Variants in GFOD1 observed in about 807,000 individuals in gnomAD.
GFOD1 encodes the protein Gfo/Idh/MocA-like oxidoreductase domain containing 1.
GFOD1 carries 9 observed loss-of-function variants against 25.4 expected under a neutral mutation model. The ratio of observed to expected loss-of-function variants is 0.35; its 90% CI spans 0.21 to 0.62. The LOEUF is 0.62. Among genes scored for constraint, GFOD1 ranks in the 20% least tolerant of loss-of-function variants. GFOD1 has a pLI of 0.72. For synonymous variants in GFOD1, 253 were observed against 245.6 expected, an observed-to-expected ratio of 1.03 and a Z score of -0.28; for missense variants, 403 against 556.9, an observed-to-expected ratio of 0.72 and a Z score of 2.78.
In GFOD1 at chr6:13,362,461, C is replaced by CAA. The variant is rs770325894; in HGVS notation, c.*2280_*2281dup. The CAA allele has an allele frequency of 3.2e-4, 26 of 80,886 alleles. No individual in the cohort carries two copies. The highest frequency in any genetic ancestry group is 5.8e-4 in the Non-Finnish European group (20 of 34,324). The allele number at this position is 80,886 out of a possible 1,614,324, so 5.0% of individuals were successfully genotyped here. Reference sequence around the variant, plus strand: ...TGGGTGACAGAGCGAGACTCCATTTCAAAAAAAAAAAAAAAAAAAGAAGAA... The same window carrying CAA: ...TGGGTGACAGAGCGAGACTCCATTTCAAAAAAAAAAAAAAAAAAAAAGAAGAA... On this transcript the variant is annotated 3_prime_UTR_variant, in exon 2 of 2. Transcript: ENST00000379287.
rs549782863 is a variant in GFOD1, at chr6:13,472,107, G to A, written c.253+14531C>T. 42 of 156,564 alleles carry A rather than the reference G, an allele frequency of 2.7e-4. 1 individual carries two copies. In the South Asian group the frequency reaches 6.4e-3, roughly 24 times the overall value. The allele number at this position is 156,564 out of a possible 1,614,324, so 9.7% of individuals were successfully genotyped here. A position where few individuals can be genotyped will look rare whatever the true frequency, so the allele number is the denominator to read the frequency against. The stretch of plus-strand genomic sequence containing the variant: ...ACCCCTGATAAACCCATCAGATCTC[G>A]TGAGACTTATTCACTATCACCAGAA... On this transcript the variant is annotated intron_variant, in intron 1 of 1. Coordinates refer to ENST00000379287, the MANE Select transcript of GFOD1 (RefSeq NM_018988.4).
chr6:13,426,682 G>A (rs984592659), intron 1 of GFOD1, among the ~76,000 whole-genome samples: 4 of 152,298 alleles, frequency 2.6e-5, no homozygotes, highest in South Asian at 4.1e-4. Context: ...CTGAGGATGC[G>A]GAAGCAGAGT....
At chr6:13,458,248 G>T (rs1182410413) in intron 1 of GFOD1, among the ~76,000 whole-genome samples, 3 of 152,020 alleles carry the variant, frequency 2.0e-5, no homozygotes, top group Non-Finnish European at 4.4e-5. Flanking sequence ...CTCCCGAGTA[G>T]CTGGGATTAA....
rs975599267 is a variant in GFOD1 at position 13,363,767 on chromosome 6, C to T, written c.*976G>A. ...ATTCACACTGCAACACTGAGGCACA[C>T]AGCTCTCCCCAGTCTTTGGGGGCAG... On this transcript the variant is annotated 3_prime_UTR_variant, in exon 2 of 2. Coordinates refer to ENST00000379287, the MANE Select transcript of GFOD1 (RefSeq NM_018988.4). The T allele has an allele frequency of 6.6e-6, 1 of 152,204 alleles. No individual in the cohort carries two copies. Among genetic ancestry groups the T allele is most frequent in the Admixed American group, 6.5e-5 (1 of 15,280 alleles). The allele number at this position is 152,204 out of a possible 1,614,324, so 9.4% of individuals were successfully genotyped here. A position where few individuals can be genotyped will look rare whatever the true frequency, so the allele number is the denominator to read the frequency against.
intron 1 of GFOD1, among the ~76,000 whole-genome samples, chr6:13,389,097 T>C (rs1015093966): frequency 6.6e-5 from 10 of 152,282 alleles, no homozygotes; most frequent in East Asian, 3.9e-4. Context: ...TGGCGATCAT[T>C]AAAAAGTCAG....
At chr6:13,382,795 A>G (rs1785393272) in intron 1 of GFOD1, among the ~76,000 whole-genome samples, 1 of 152,066 alleles carries the variant, frequency 6.6e-6, no homozygotes, top group Non-Finnish European at 1.5e-5. Context: ...TGCATTAGCT[A>G]TTTTTCCTAA....
intron 1 of GFOD1, among the ~76,000 whole-genome samples, chr6:13,414,808 A>T (rs1323107131): frequency 1.3e-5 from 2 of 152,248 alleles, no homozygotes; most frequent in African/African-American, 4.8e-5. Flanking sequence ...TGTAGCTCAA[A>T]GTAATTTTCA....
Position 13,418,648 on chromosome 6 carries a change from C to G in GFOD1, c.254-52986G>C, listed in dbSNP as rs546241571. Among the ~76,000 whole-genome samples, 14 of 152,300 alleles carry G rather than the reference C, an allele frequency of 9.2e-5. No individual in the cohort carries two copies. The South Asian group carries it at 2.1e-3, about 23-fold the overall frequency. ...GTATTGGTGTCATCTGTCACCTCTG[C>G]TCCTCATTTCTTATTCATACTCTTA... On this transcript the variant is annotated intron_variant, in intron 1 of 1. Transcript: ENST00000379287.
chr6:13,426,456 C>A (rs1194713852), intron 1 of GFOD1, among the ~76,000 whole-genome samples: 3 of 152,210 alleles, frequency 2.0e-5, no homozygotes, highest in Non-Finnish European at 4.4e-5. Context: ...AGGAACCAGA[C>A]ACGAACCTAC....
chr6:13,483,670 G>A (rs185297359), intron 1 of GFOD1, among the ~76,000 whole-genome samples: 76 of 152,260 alleles, frequency 5.0e-4, no homozygotes, highest in Admixed American at 4.6e-3. Flanking sequence ...TTTGGGAACC[G>A]ATTCCAGGGC....
intron 1 of GFOD1, among the ~76,000 whole-genome samples, chr6:13,426,734 G>T (rs1786359610): frequency 6.6e-6 from 1 of 152,212 alleles, no homozygotes; most frequent in Non-Finnish European, 1.5e-5. Flanking sequence ...GAGGGATAAT[G>T]CAGGACCTTA....
intron 1 of GFOD1, among the ~76,000 whole-genome samples, chr6:13,421,925 G>A (rs1429100644): frequency 1.3e-5 from 2 of 152,294 alleles, no homozygotes; most frequent in South Asian, 2.1e-4. Flanking sequence ...CAACGGCTGC[G>A]TTTTATCTCC....
At chr6:13,391,511 CAAAAAAAA>C (rs57340590) in intron 1 of GFOD1, among the ~76,000 whole-genome samples, 2 of 108,666 alleles carry the variant, frequency 1.8e-5, no homozygotes, top group African/African-American at 3.5e-5. Context: ...AACAAACAAA[CAAAAAAAA>C]AAAAAAAAAA....
chr6:13,429,584 G>A (rs1169418823), intron 1 of GFOD1, among the ~76,000 whole-genome samples: 1 of 152,082 alleles, frequency 6.6e-6, no homozygotes, highest in Non-Finnish European at 1.5e-5. Flanking sequence ...GTCAGGTAGT[G>A]CCCTGAGCAC....
intron 1 of GFOD1, among the ~76,000 whole-genome samples, chr6:13,372,753 C>T (rs1201110065): frequency 1.3e-5 from 2 of 152,218 alleles, no homozygotes; most frequent in Non-Finnish European, 2.9e-5. Flanking sequence ...CAGCCTGGAA[C>T]CTCAAGCATC....
intron 1 of GFOD1, among the ~76,000 whole-genome samples, chr6:13,431,432 C>T (rs1472151156): frequency 6.6e-6 from 1 of 152,220 alleles, no homozygotes; most frequent in African/African-American, 2.4e-5. Flanking sequence ...CATGATGGTA[C>T]CACCTTGTCT....
At chr6:13,421,887 C>T (rs1206885064) in intron 1 of GFOD1, among the ~76,000 whole-genome samples, 5 of 152,210 alleles carry the variant, frequency 3.3e-5, no homozygotes, top group African/African-American at 1.2e-4. Flanking sequence ...GCAAATCAAA[C>T]AGGCACAACA....
chr6:13,486,999 G>T lies in GFOD1; in HGVS notation c.-109C>A. ...CCCCGCTCCTGTAGCCAATCTAGCC[G>T]CGGTGCGCCAGCCGCCGTGCACCGG... On this transcript the variant is annotated 5_prime_UTR_variant, in exon 1 of 2. Coordinates refer to ENST00000379287, the MANE Select transcript of GFOD1 (RefSeq NM_018988.4). 7.4e-7 allele frequency: 1 copy of T among 1,353,786 alleles called. No individual in the cohort carries two copies. The highest frequency in any genetic ancestry group is 1.4e-5 in the South Asian group (1 of 71,150). 83.9% of individuals were successfully genotyped at this position (1,353,786 alleles called of 1,614,324 possible).
At chr6:13,451,233 CT>C (rs1758091698) in intron 1 of GFOD1, among the ~76,000 whole-genome samples, 1 of 152,178 alleles carries the variant, frequency 6.6e-6, no homozygotes, top group South Asian at 2.1e-4. Flanking sequence ...CCTTGAAAAC[CT>C]TTCTCTTCCG....
Sources: allele counts gnomAD v4.1 joint callset (sites outside exome capture counted in the v4.1 genomes callset), GRCh38; gene constraint gnomAD v4.1.1; transcripts MANE v1.5; gene names NCBI Gene and HGNC (gene_info 2026-07-23, HGNC 2026-07-21).